CTPS2: variants seen among roughly 807,000 people sequenced by gnomAD.
CTPS2 encodes the protein CTP synthase 2, also known as CTP synthase II.
A neutral mutation model predicts 46.8 loss-of-function variants in CTPS2; 19 were observed. The observed-to-expected ratio is 0.41, with a 90% CI of 0.28 to 0.60. The LOEUF (loss-of-function observed/expected upper bound fraction) is 0.60. Among genes scored for constraint, CTPS2 ranks in the 20% least tolerant of loss-of-function variants. The pLI is 0.35. For missense variants in CTPS2, 286 were observed against 447.6 expected (o/e 0.64, Z 3.26); for synonymous variants, 151 against 165.2 (o/e 0.91, Z 0.66).
chrX:16,652,804 G>C (rs1042586587), intron 13 of CTPS2, among the ~76,000 whole-genome samples: 1 of 111,299 alleles, frequency 9.0e-6, no homozygotes, highest in African/African-American at 3.3e-5. Context: ...CCATTACTAA[G>C]GTTTTCCACC....
At chrX:16,627,366 A>T (rs959895941) in intron 14 of CTPS2, among the ~76,000 whole-genome samples, 1 of 112,380 alleles carries the variant, frequency 8.9e-6, no homozygotes, top group Admixed American at 9.5e-5. Context: ...TCGCTTGCAG[A>T]GTGCTGGCAA....
chrX:16,701,978 C>T (rs1032217933), intron 2 of CTPS2, among the ~76,000 whole-genome samples: 4 of 111,232 alleles, frequency 3.6e-5, no homozygotes, highest in African/African-American at 1.3e-4. Context: ...CAACTGTACA[C>T]TTATGATTTA....
At chrX:16,620,812 C>G (rs1930786997) in intron 14 of CTPS2, among the ~76,000 whole-genome samples, 1 of 112,042 alleles carries the variant, frequency 8.9e-6, no homozygotes, top group Non-Finnish European at 1.9e-5. Flanking sequence ...CCAATGCTTT[C>G]TCCACTCCAC....
intron 8 of CTPS2, among the ~76,000 whole-genome samples, chrX:16,688,378 C>T (rs6527703): frequency 0.55 from 58,433 of 106,144 alleles, 13,664 homozygotes; most frequent in African/African-American, 0.86. Context: ...CCAGCCTGGG[C>T]GACACAGTGA....
chrX:16,650,731 G>A (rs1028355217), intron 13 of CTPS2, among the ~76,000 whole-genome samples: 2 of 109,498 alleles, frequency 1.8e-5, no homozygotes, highest in Admixed American at 9.8e-5. Context: ...CCATGGTCTC[G>A]AACTCCTGAC....
intron 17 of CTPS2, among the ~76,000 whole-genome samples, chrX:16,594,815 C>T (rs1238877016): frequency 2.7e-5 from 3 of 112,122 alleles, no homozygotes; most frequent in Non-Finnish European, 5.6e-5. Flanking sequence ...CAGAGACTGG[C>T]GGTAGGACAA....
chrX:16,609,638 T>C lies in CTPS2; in HGVS notation c.1594A>G (p.Arg532Gly). ...TACGGAGGGGAAGGCTTCATCGGCC[T>C]AGAAGAAAACTCAGGATGGAACTGG... is the stretch of plus-strand genomic sequence containing the variant. ...GVQFHPEFSS[R>G]PMKPSPPYLG... Residue 532 changes from arginine to glycine, a missense_variant, in exon 17 of 19, where the codon AGG becomes GGG. Coordinates refer to ENST00000359276, the MANE Select transcript of CTPS2 (RefSeq NM_175859.3). 1 of 1,211,126 alleles carries C rather than the reference T, an allele frequency of 8.3e-7. No homozygotes were observed. Among genetic ancestry groups the C allele is most frequent in the Non-Finnish European group, 1.1e-6 (1 of 895,185 alleles).
intron 8 of CTPS2, among the ~76,000 whole-genome samples, chrX:16,685,077 C>A (rs943256228): frequency 2.7e-5 from 3 of 110,734 alleles, no homozygotes; most frequent in Non-Finnish European, 3.8e-5. Context: ...GGCGACAGAG[C>A]CAGACTTCTT....
intron 1 of CTPS2, among the ~76,000 whole-genome samples, chrX:16,710,217 G>A (rs964918266): frequency 2.7e-5 from 3 of 112,227 alleles, no homozygotes; most frequent in Non-Finnish European, 3.8e-5. Flanking sequence ...AGGAAGAAAC[G>A]CTACAACAGA....
At chrX:16,652,847 G>A (rs1932710232) in intron 13 of CTPS2, among the ~76,000 whole-genome samples, 1 of 111,554 alleles carries the variant, frequency 9.0e-6, no homozygotes, top group Non-Finnish European at 1.9e-5. Flanking sequence ...CACCATGCAT[G>A]GTTTAGAATC....
intron 10 of CTPS2, among the ~76,000 whole-genome samples, chrX:16,673,170 G>A (rs897850413): frequency 9.0e-6 from 1 of 110,866 alleles, no homozygotes; most frequent in African/African-American, 3.3e-5. Flanking sequence ...ACAGGCGTGA[G>A]CCACCGCGCC....
At chrX:16,649,191 C>T (rs779966700) in intron 13 of CTPS2, among the ~76,000 whole-genome samples, 4 of 111,864 alleles carry the variant, frequency 3.6e-5, no homozygotes, top group African/African-American at 6.5e-5. Flanking sequence ...ACAAGTTTTT[C>T]GAATGATCAC....
At chrX:16,697,712 G>T (rs1164312111) in intron 4 of CTPS2, among the ~76,000 whole-genome samples, 1 of 110,946 alleles carries the variant, frequency 9.0e-6, no homozygotes, top group African/African-American at 3.3e-5. Flanking sequence ...GAAAATGCCG[G>T]AATTGCAGGC....
intron 10 of CTPS2, among the ~76,000 whole-genome samples, chrX:16,675,926 C>G (rs762383952): frequency 1.8e-5 from 2 of 111,553 alleles, no homozygotes; most frequent in Non-Finnish European, 3.8e-5. Context: ...GTTGCTGATC[C>G]TTTTTGTTTT....
chrX:16,693,014 A>G, intron 6 of CTPS2, 127 bp downstream of exon 6: 1 of 500,473 alleles, frequency 2.0e-6, no homozygotes, highest in South Asian at 3.1e-5. Context: ...CCAAGACTGC[A>G]CCACTGCACT....
chrX:16,623,844 C>T (rs1165063153), intron 14 of CTPS2, among the ~76,000 whole-genome samples: 3 of 79,750 alleles, frequency 3.8e-5, no homozygotes, highest in Admixed American at 1.8e-4. Context: ...AGTCTCACTC[C>T]GTCGCCAGGC....
intron 4 of CTPS2, among the ~76,000 whole-genome samples, chrX:16,695,929 C>T (rs1453792862): frequency 9.0e-6 from 1 of 111,021 alleles, no homozygotes; most frequent in Non-Finnish European, 1.9e-5. Flanking sequence ...TGGCTCACTG[C>T]GGCCTCAAAC....
intron 16 of CTPS2, among the ~76,000 whole-genome samples, chrX:16,614,518 T>C (rs997453613): frequency 4.4e-5 from 5 of 112,531 alleles, no homozygotes. Flanking sequence ...TAGCAAATGT[T>C]TCTGTAAAGG....
At chrX:16,613,486 C>T (rs761850696) in intron 16 of CTPS2, among the ~76,000 whole-genome samples, 12 of 111,603 alleles carry the variant, frequency 1.1e-4, no homozygotes, top group Non-Finnish European at 2.1e-4. Context: ...ATCTGCAGGA[C>T]TTGACAACAC....
Sources: allele counts gnomAD v4.1 joint callset (sites outside exome capture counted in the v4.1 genomes callset), GRCh38; gene constraint gnomAD v4.1.1; transcripts MANE v1.5; gene names NCBI Gene and HGNC (gene_info 2026-07-23, HGNC 2026-07-21).